MYO5A: variants seen among roughly 807,000 people sequenced by gnomAD.
MYO5A encodes the protein unconventional myosin-Va.
In MYO5A, 98 loss-of-function variants were observed where a neutral mutation model predicts 249.7. The observed-to-expected ratio is 0.39, with a 90% CI of 0.33 to 0.46. MYO5A has a LOEUF of 0.46. MYO5A is among the 20% of genes least tolerant of loss of function. The pLI is 0.98. For missense variants in MYO5A, 1,696 were observed against 2,308.8 expected, an observed-to-expected ratio of 0.73 and a Z score of 5.44; for synonymous variants, 778 against 810.6, an observed-to-expected ratio of 0.96 and a Z score of 0.68.
intron 6 of MYO5A, among the ~76,000 whole-genome samples, chr15:52,408,449 A>AT (rs11297882): frequency 9.4e-5 from 14 of 149,590 alleles, no homozygotes; most frequent in Admixed American, 2.7e-4. Context: ...AACTAAAATC[A>AT]TTTTTTTTTT....
chr15:52,400,499 T>C (rs1567090279), intron 9 of MYO5A, among the ~76,000 whole-genome samples: 2 of 152,264 alleles, frequency 1.3e-5, no homozygotes, highest in African/African-American at 4.8e-5. Flanking sequence ...CTACAAAAAA[T>C]AATTAATTTT....
intron 1 of MYO5A, among the ~76,000 whole-genome samples, chr15:52,481,184 A>T (rs1486981162): frequency 2.0e-5 from 3 of 152,178 alleles, no homozygotes; most frequent in African/African-American, 7.2e-5. Flanking sequence ...TAAAAAACAG[A>T]TGGTGTGCCT....
At chr15:52,452,504 C>T (rs1202433605) in intron 1 of MYO5A, among the ~76,000 whole-genome samples, 1 of 152,080 alleles carries the variant, frequency 6.6e-6, no homozygotes, top group Admixed American at 6.5e-5. Context: ...GATATAGGAC[C>T]ATCATCCTGG....
rs2043475585 is a variant in MYO5A at position 52,416,220 on chromosome 15, G to A, written c.537C>T (p.Tyr179=). 6.2e-7 allele frequency: 1 copy of A among 1,614,098 alleles called. No individual in the cohort carries two copies. Among genetic ancestry groups the A allele is most frequent in the Non-Finnish European group, 8.5e-7 (1 of 1,179,972 alleles). Residue 179 remains tyrosine, a synonymous_variant, in exon 5 of 42, where the codon TAC becomes TAT. Transcript: ENST00000399233. ...KTVSAKYAMR[Y]FATVSGSASE... is the part of the protein sequence containing the mutation. ...TGGCAGAACCACTCACAGTTGCAAAGTATCGCATGGCATACTTAGCTGAGA... is the reference window on the plus strand; with the variant it reads ...TGGCAGAACCACTCACAGTTGCAAAATATCGCATGGCATACTTAGCTGAGA...
At chr15:52,356,802 T>C (rs1428427467) in intron 25 of MYO5A, among the ~76,000 whole-genome samples, 1 of 29,156 alleles carries the variant, frequency 3.4e-5, no homozygotes, top group Non-Finnish European at 1.0e-4. Context: ...TTCTTTGACT[T>C]TTTTTTTTTT....
At chr15:52,334,898 A>G (rs1461688839) in intron 34 of MYO5A, among the ~76,000 whole-genome samples, 2 of 152,232 alleles carry the variant, frequency 1.3e-5, no homozygotes, top group Non-Finnish European at 2.9e-5. Flanking sequence ...CTGGGTAATC[A>G]GGAAAGGCTA....
chr15:52,358,082 A>G (rs1429794766), intron 25 of MYO5A, among the ~76,000 whole-genome samples: 2 of 152,200 alleles, frequency 1.3e-5, no homozygotes, highest in African/African-American at 4.8e-5. Context: ...GAAGAGGTGC[A>G]CACCAAGCAG....
intron 1 of MYO5A, among the ~76,000 whole-genome samples, chr15:52,485,771 A>C (rs1159972485): frequency 6.6e-6 from 1 of 152,232 alleles, no homozygotes; most frequent in Non-Finnish European, 1.5e-5. Flanking sequence ...AACGACAAGA[A>C]TAAAGATTTT....
chr15:52,446,487 T>C (rs1004043622), intron 1 of MYO5A, among the ~76,000 whole-genome samples: 2 of 152,352 alleles, frequency 1.3e-5, no homozygotes, highest in East Asian at 1.9e-4. Context: ...AAAGCCCTCA[T>C]AGAGAACCTC....
At chr15:52,426,323 T>C (rs995284659) in intron 3 of MYO5A, among the ~76,000 whole-genome samples, 1 of 152,152 alleles carries the variant, frequency 6.6e-6, no homozygotes, top group African/African-American at 2.4e-5. Flanking sequence ...AAGAGTTTTT[T>C]TTTTTTTTTT....
At chr15:52,489,082 A>G (rs1023960054) in intron 1 of MYO5A, among the ~76,000 whole-genome samples, 4 of 152,166 alleles carry the variant, frequency 2.6e-5, no homozygotes, top group Non-Finnish European at 5.9e-5. Flanking sequence ...ATGAAGATAA[A>G]CCTTCCTTAT....
intron 1 of MYO5A, among the ~76,000 whole-genome samples, chr15:52,445,726 A>G (rs1371172812): frequency 6.6e-6 from 1 of 152,222 alleles, no homozygotes; most frequent in Admixed American, 6.5e-5. Flanking sequence ...GTGGAACTGG[A>G]GCAAAGGTCA....
intron 26 of MYO5A, 92 bp downstream of exon 26, chr15:52,353,779 G>T: frequency 6.2e-7 from 1 of 1,603,772 alleles, no homozygotes; most frequent in South Asian, 1.1e-5. Context: ...AGTGGTGCTT[G>T]GATAGGCTGG....
chr15:52,345,754 C>G (rs1016366811), intron 30 of MYO5A, among the ~76,000 whole-genome samples: 1 of 152,142 alleles, frequency 6.6e-6, no homozygotes, highest in African/African-American at 2.4e-5. Context: ...TGGCAATATT[C>G]TTCAGTTTAT....
At chr15:52,424,249 T>TA (rs1378627256) in intron 4 of MYO5A, among the ~76,000 whole-genome samples, 2 of 152,370 alleles carry the variant, frequency 1.3e-5, no homozygotes, top group African/African-American at 4.8e-5. Flanking sequence ...GCTGGCATAA[T>TA]ATGACATGCT....
intron 25 of MYO5A, among the ~76,000 whole-genome samples, chr15:52,358,136 A>G (rs1416977609): frequency 6.6e-6 from 1 of 152,194 alleles, no homozygotes; most frequent in African/African-American, 2.4e-5. Flanking sequence ...GCCCATGAAG[A>G]TCGGCAAGCG....
chr15:52,381,626 T>C (rs2041741764), intron 16 of MYO5A, among the ~76,000 whole-genome samples: 1 of 152,364 alleles, frequency 6.6e-6, no homozygotes, highest in East Asian at 1.9e-4. Flanking sequence ...AAATATACTA[T>C]GTCTACACAA....
chr15:52,506,314 G>A (rs896066043), intron 1 of MYO5A, among the ~76,000 whole-genome samples: 27 of 152,050 alleles, frequency 1.8e-4, no homozygotes, highest in Non-Finnish European at 8.8e-5. Context: ...CTGCGCCGCT[G>A]CACTCCAGCC....
At chr15:52,385,666 T>C (rs1259909282) in intron 14 of MYO5A, among the ~76,000 whole-genome samples, 2 of 152,120 alleles carry the variant, frequency 1.3e-5, no homozygotes, top group Non-Finnish European at 2.9e-5. Flanking sequence ...CTCCACACTG[T>C]ATTACTACAA....
Sources: gnomAD v4.1 joint callset for allele counts (sites outside exome capture counted in the v4.1 genomes callset) on GRCh38, gnomAD v4.1.1 for gene constraint, MANE v1.5 for transcripts, NCBI Gene and HGNC (gene_info 2026-07-23, HGNC 2026-07-21) for gene names.